SSUH2: variants seen among roughly 807,000 people sequenced by gnomAD.
SSUH2 encodes the protein protein SSUH2 homolog.
SSUH2 carries 47 observed loss-of-function variants against 55.3 expected under a neutral mutation model. The observed-to-expected ratio is 0.85, with a 90% CI of 0.67 to 1.08. The LOEUF is 1.08. Ranked by LOEUF, SSUH2 falls within the 50% of genes least tolerant of loss-of-function variation. The pLI is 0.00. For synonymous variants in SSUH2, 212 were observed against 191.5 expected (o/e 1.11, Z -0.89); for missense variants, 535 against 490.7 (o/e 1.09, Z -0.85).
intron 4 of SSUH2, among the ~76,000 whole-genome samples, chr3:8,632,624 G>A (rs1428755410): frequency 6.6e-6 from 1 of 152,226 alleles, no homozygotes; most frequent in Non-Finnish European, 1.5e-5. Context: ...CAGCCACACA[G>A]TGGCCTCTTC....
At chr3:8,681,032 G>T (rs573178968) in intron 1 of SSUH2, among the ~76,000 whole-genome samples, 4 of 144,240 alleles carry the variant, frequency 2.8e-5, no homozygotes, top group South Asian at 2.1e-4. Context: ...AAGTGGCGGG[G>T]ACTGAGAGCC....
chr3:8,641,164 T>G (rs1489502441), intron 1 of SSUH2, among the ~76,000 whole-genome samples: 3 of 152,218 alleles, frequency 2.0e-5, no homozygotes, highest in Admixed American at 1.3e-4. Context: ...CTCCCTGTCC[T>G]GTGCCCCTTG....
chr3:8,668,500 TC>T (rs1704204747), intron 5 of SSUH2, among the ~76,000 whole-genome samples: 1 of 152,226 alleles, frequency 6.6e-6, no homozygotes, highest in African/African-American at 2.4e-5. Flanking sequence ...CTCTTTTTTT[TC>T]CTCATTAATC....
chr3:8,620,434 C>T (rs1575011491), intron 11 of SSUH2, among the ~76,000 whole-genome samples: 1 of 152,216 alleles, frequency 6.6e-6, no homozygotes, highest in African/African-American at 2.4e-5. Context: ...TCCATGAAAA[C>T]TCTTTCCTGT....
At chr3:8,642,016 G>C (rs939097079) in intron 1 of SSUH2, among the ~76,000 whole-genome samples, 6 of 152,088 alleles carry the variant, frequency 3.9e-5, no homozygotes, top group African/African-American at 1.4e-4. Context: ...CTGTGGACGG[G>C]GGTCCACAGG....
At chr3:8,650,041 G>T (rs991136782) in intron 7 of SSUH2, among the ~76,000 whole-genome samples, 3 of 151,958 alleles carry the variant, frequency 2.0e-5, no homozygotes, top group African/African-American at 7.3e-5. Flanking sequence ...CCCACCTCAG[G>T]GCCTTTGCAC....
At chr3:8,674,024 A>C (rs1193692950) in intron 3 of SSUH2, among the ~76,000 whole-genome samples, 2 of 152,262 alleles carry the variant, frequency 1.3e-5, no homozygotes, top group Non-Finnish European at 2.9e-5. Context: ...ACACGTTAGA[A>C]GAAAACTGCA....
chr3:8,681,079 A>C (rs1396300559), intron 1 of SSUH2, among the ~76,000 whole-genome samples: 72 of 93,912 alleles, frequency 7.7e-4, no homozygotes, highest in Middle Eastern at 8.6e-3. Flanking sequence ...GGACTTCCAT[A>C]GCAGGGGGGA....
chr3:8,680,011 A>C lies in SSUH2; in HGVS notation c.-1045-162T>G, dbSNP rs571944308. 3.3e-5 allele frequency among the ~76,000 whole-genome samples: 5 copies of C among 152,188 alleles called. No homozygotes were observed. In the East Asian group the frequency reaches 7.8e-4, roughly 24 times the overall value. ...GGATCCCAACAACAGCAAGTCTTTCATGAGTTAAGGGAAAAACTTCCAGCA... is the reference window on the plus strand; with the variant it reads ...GGATCCCAACAACAGCAAGTCTTTCCTGAGTTAAGGGAAAAACTTCCAGCA... On this transcript the variant is annotated intron_variant, in intron 1 of 18. Coordinates refer to the SSUH2 transcript ENST00000317371.
Position 8,642,691 on chromosome 3 carries a change from C to T in SSUH2, c.28+2040G>A, listed in dbSNP as rs116109506. ...GAAAGGTTTTCTCCCCCTGAAGTCA[C>T]TCATATTATAGACCTGAAAAGTGAT... On this transcript the variant is annotated intron_variant, in intron 1 of 11. Coordinates refer to ENST00000544814, the MANE Select transcript of SSUH2 (RefSeq NM_001256748.3). Among the ~76,000 whole-genome samples the T allele has an allele frequency of 1.7e-3, 265 of 152,336 alleles. 1 individual carries two copies. Among genetic ancestry groups the T allele is most frequent in the African/African-American group, 6.2e-3 (258 of 41,592 alleles).
chr3:8,624,096 C>G (rs1343616689), intron 10 of SSUH2, among the ~76,000 whole-genome samples: 2 of 152,216 alleles, frequency 1.3e-5, no homozygotes, highest in African/African-American at 4.8e-5. Context: ...GGCGCTTGCA[C>G]TCAACCTACA....
At chr3:8,622,132 A>C (rs1696578882) in intron 11 of SSUH2, among the ~76,000 whole-genome samples, 1 of 152,196 alleles carries the variant, frequency 6.6e-6, no homozygotes, top group Admixed American at 6.5e-5. Flanking sequence ...GAATTTAGCC[A>C]GCTATGTCCT....
intron 7 of SSUH2, among the ~76,000 whole-genome samples, chr3:8,658,109 C>T (rs1022076501): frequency 1.3e-5 from 2 of 152,190 alleles, no homozygotes; most frequent in East Asian, 3.9e-4. Flanking sequence ...GTCACTTAAC[C>T]TCTCTGACCC....
At chr3:8,662,948 A>G (rs1427194402) in intron 6 of SSUH2, among the ~76,000 whole-genome samples, 1 of 152,250 alleles carries the variant, frequency 6.6e-6, no homozygotes, top group Non-Finnish European at 1.5e-5. Context: ...ATAAGTACCA[A>G]GGCCATATCG....
At chr3:8,632,729 C>T (rs1699041055) in intron 4 of SSUH2, among the ~76,000 whole-genome samples, 1 of 152,218 alleles carries the variant, frequency 6.6e-6, no homozygotes, top group South Asian at 2.1e-4. Flanking sequence ...ACTGTAAAAG[C>T]TGCTCCTCTG....
Position 8,635,279 on chromosome 3 carries a change from AG to A in SSUH2, c.209+20del. 1 of 1,524,804 alleles carries A rather than the reference AG, an allele frequency of 6.6e-7. No homozygotes were observed. Among genetic ancestry groups the A allele is most frequent in the Non-Finnish European group, 8.8e-7 (1 of 1,138,010 alleles). 94.5% of individuals were successfully genotyped at this position (1,524,804 alleles called of 1,614,324 possible). ...TGACATAGGAAATGCACACAGTCAC[AG>A]AGTACAACCTGAAACTCACCTGTGT... On this transcript the variant is annotated intron_variant, in intron 3 of 11. Transcript: ENST00000544814.
intron 1 of SSUH2, among the ~76,000 whole-genome samples, chr3:8,681,058 G>C (rs372066107): frequency 3.2e-4 from 39 of 122,728 alleles, no homozygotes; most frequent in Middle Eastern, 6.1e-3. Flanking sequence ...CTCTTCCCCC[G>C]CTGGCTCTTA....
chr3:8,629,776 C>G (rs375663193), intron 6 of SSUH2, 50 bp from the exon 7 acceptor site: 1 of 1,567,090 alleles, frequency 6.4e-7, no homozygotes, highest in South Asian at 1.1e-5. Context: ...GGCCACTTCT[C>G]CCACACCCAT....
At chr3:8,657,520 G>GT (rs1198709388) in intron 7 of SSUH2, among the ~76,000 whole-genome samples, 2 of 152,154 alleles carry the variant, frequency 1.3e-5, no homozygotes, top group African/African-American at 4.8e-5. Context: ...TAGACAGTGG[G>GT]TACGACAGGA....
Sources: allele counts gnomAD v4.1 joint callset (sites outside exome capture counted in the v4.1 genomes callset), GRCh38; gene constraint gnomAD v4.1.1; transcripts MANE v1.5; gene names NCBI Gene and HGNC (gene_info 2026-07-23, HGNC 2026-07-21).